Variants in PLGRKT observed in about 807,000 individuals in gnomAD.
PLGRKT encodes the protein plasminogen receptor with a C-terminal lysine, also known as plasminogen receptor (KT).
Under a neutral mutation model 18.5 loss-of-function variants are expected in PLGRKT, and 22 were observed. The observed-to-expected ratio is 1.19, with a 90% confidence interval of 0.85 to 1.70. PLGRKT has a LOEUF of 1.70. Ranked by LOEUF, PLGRKT falls within the 40% of genes most tolerant of loss-of-function variation. The probability of loss-of-function intolerance (pLI) is 0.00; values close to 1 mark genes in which losing one functional copy is unlikely to be tolerated. For missense variants in PLGRKT, 235 were observed against 174.4 expected, an observed-to-expected ratio of 1.35 and a Z score of -1.96; for synonymous variants, 72 against 52.8, an observed-to-expected ratio of 1.36 and a Z score of -1.58.
chr9:5,389,237 G>C (rs1160420151), intron 3 of PLGRKT, among the ~76,000 whole-genome samples: 1 of 151,994 alleles, frequency 6.6e-6, no homozygotes. Flanking sequence ...GGCTGCAGGA[G>C]CACTGCTATT....
intron 3 of PLGRKT, among the ~76,000 whole-genome samples, chr9:5,424,041 C>T (rs10815217): frequency 0.26 from 34,730 of 136,136 alleles, 4,341 homozygotes; most frequent in Non-Finnish European, 0.28. Context: ...TTGTATATAC[C>T]ATATGCACAC....
At chr9:5,420,429 A>C (rs1374090389) in intron 3 of PLGRKT, among the ~76,000 whole-genome samples, 1 of 152,144 alleles carries the variant, frequency 6.6e-6, no homozygotes, top group South Asian at 2.1e-4. Context: ...AAGTGAAAAA[A>C]ATTAACTTCA....
intron 3 of PLGRKT, among the ~76,000 whole-genome samples, chr9:5,428,783 G>C (rs1346458605): frequency 6.6e-6 from 1 of 152,154 alleles, no homozygotes; most frequent in African/African-American, 2.4e-5. Flanking sequence ...CTGCAGCCTT[G>C]ACCTTCCTGG....
intron 3 of PLGRKT, among the ~76,000 whole-genome samples, chr9:5,386,380 A>G (rs1269352301): frequency 6.6e-6 from 1 of 151,732 alleles, no homozygotes. Context: ...CTCCCAGGGG[A>G]TATTTGGCAG....
intron 3 of PLGRKT, among the ~76,000 whole-genome samples, chr9:5,393,246 T>G (rs1411093244): frequency 1.3e-5 from 2 of 151,924 alleles, no homozygotes; most frequent in African/African-American, 4.9e-5. Context: ...TAAACATCCT[T>G]TTTTGTTCCT....
intron 3 of PLGRKT, among the ~76,000 whole-genome samples, chr9:5,400,209 T>C (rs1323072150): frequency 1.3e-5 from 2 of 151,802 alleles, no homozygotes; most frequent in African/African-American, 2.4e-5. Flanking sequence ...TGATCACAGA[T>C]AGATTTTCCA....
chr9:5,431,208 T>G (rs535052813), intron 3 of PLGRKT, among the ~76,000 whole-genome samples: 1 of 152,128 alleles, frequency 6.6e-6, no homozygotes, highest in Non-Finnish European at 1.5e-5. Flanking sequence ...TTCAAATCTC[T>G]CTTATACTGA....
chr9:5,392,482 A>G (rs1817968560), intron 3 of PLGRKT: 1 of 151,956 alleles, frequency 6.6e-6, no homozygotes, highest in Non-Finnish European at 1.5e-5. Context: ...ACATTCTCAC[A>G]TTAGCATGTC....
chr9:5,371,001 A>G (rs1817503738), intron 3 of PLGRKT, among the ~76,000 whole-genome samples: 1 of 152,248 alleles, frequency 6.6e-6, no homozygotes, highest in African/African-American at 2.4e-5. Flanking sequence ...ACCAAGTTGT[A>G]GTATTATTCA....
chr9:5,397,827 C>T lies in PLGRKT; in HGVS notation c.81+34070G>A, dbSNP rs576268575. Among the ~76,000 whole-genome samples, 8 of 152,110 alleles carry T rather than the reference C, an allele frequency of 5.3e-5. No individual in the cohort carries two copies. The East Asian group carries it at 5.8e-4, about 11-fold the overall frequency. On this transcript the variant is annotated intron_variant, in intron 3 of 5. Coordinates refer to ENST00000223864, the MANE Select transcript of PLGRKT (RefSeq NM_018465.4). The stretch of plus-strand genomic sequence containing the variant: ...TGCCCTTGGTGTCAGCTGCGCTCAG[C>T]ACACTTTAGTTTGTGAGCTTGCTCC...
chr9:5,393,841 T>G (rs902501529), intron 3 of PLGRKT, among the ~76,000 whole-genome samples: 7 of 151,910 alleles, frequency 4.6e-5, no homozygotes, highest in South Asian at 2.1e-4. Flanking sequence ...GAGAATAGAT[T>G]TCCGTTTTAA....
intron 3 of PLGRKT, among the ~76,000 whole-genome samples, chr9:5,421,951 T>A (rs1281469542): frequency 2.6e-5 from 4 of 152,208 alleles, no homozygotes; most frequent in Non-Finnish European, 4.4e-5. Flanking sequence ...AAAAGTTATT[T>A]GGTAAATTGT....
intron 3 of PLGRKT, among the ~76,000 whole-genome samples, chr9:5,386,208 C>G (rs2131102039): frequency 6.6e-6 from 1 of 151,968 alleles, no homozygotes; most frequent in Admixed American, 6.5e-5. Flanking sequence ...ACTTGCTGGC[C>G]TGCATGCAGG....
chr9:5,365,668 G>A (rs975593989), intron 3 of PLGRKT, among the ~76,000 whole-genome samples: 9 of 152,178 alleles, frequency 5.9e-5, no homozygotes, highest in African/African-American at 1.7e-4. Flanking sequence ...AAATCTGAAC[G>A]TGGGATGTAT....
intron 2 of PLGRKT, among the ~76,000 whole-genome samples, chr9:5,432,538 C>T (rs1014572967): frequency 2.0e-5 from 3 of 150,224 alleles, no homozygotes; most frequent in Non-Finnish European, 3.0e-5. Flanking sequence ...CCCTCTCTTG[C>T]GGAGCCTGGA....
chr9:5,437,398 T>G (rs1818980764), intron 1 of PLGRKT, among the ~76,000 whole-genome samples: 1 of 152,150 alleles, frequency 6.6e-6, no homozygotes, highest in African/African-American at 2.4e-5. Context: ...TTAAGCCACA[T>G]CCCCTTGCAA....
chr9:5,378,335 C>G (rs1426106865), intron 3 of PLGRKT, among the ~76,000 whole-genome samples: 1 of 152,168 alleles, frequency 6.6e-6, no homozygotes, highest in African/African-American at 2.4e-5. Flanking sequence ...AGACACATGC[C>G]CCTCATGTGC....
At chr9:5,400,215 T>A (rs1033963416) in intron 3 of PLGRKT, among the ~76,000 whole-genome samples, 2 of 151,792 alleles carry the variant, frequency 1.3e-5, no homozygotes, top group Non-Finnish European at 2.9e-5. Flanking sequence ...CAGATAGATT[T>A]TCCAAGAGAG....
At chr9:5,428,871 T>A (rs1314543795) in intron 3 of PLGRKT, among the ~76,000 whole-genome samples, 1 of 152,128 alleles carries the variant, frequency 6.6e-6, no homozygotes, top group Non-Finnish European at 1.5e-5. Flanking sequence ...GCTAATTTTT[T>A]AAATTTTTTA....
Sources: gnomAD v4.1 joint callset for allele counts (sites outside exome capture counted in the v4.1 genomes callset) on GRCh38, gnomAD v4.1.1 for gene constraint, MANE v1.5 for transcripts, NCBI Gene and HGNC (gene_info 2026-07-23, HGNC 2026-07-21) for gene names.